KDM5C: variants seen among roughly 807,000 people sequenced by gnomAD.
The protein encoded by KDM5C is lysine-specific demethylase 5C.
A neutral mutation model predicts 110.6 loss-of-function variants in KDM5C; 16 were observed. The ratio of observed to expected loss-of-function variants is 0.14; its 90% confidence interval spans 0.10 to 0.22. The LOEUF is 0.22. Ranked by LOEUF, KDM5C falls within the 10% of genes least tolerant of loss-of-function variation. The pLI is 1.00. For missense variants in KDM5C, 681 were observed against 1,300.9 expected, an observed-to-expected ratio of 0.52 and a Z score of 7.33; for synonymous variants, 511 against 520.4, an observed-to-expected ratio of 0.98 and a Z score of 0.24.
chrX:53,182,659 G>A lies in KDM5C; in HGVS notation c.4309-6037C>T, dbSNP rs1027565891. 9.7e-5 allele frequency among the ~76,000 whole-genome samples: 11 copies of A among 113,241 alleles called. No homozygotes were observed. The South Asian group carries it at 1.1e-3, about 11-fold the overall frequency. ...TGGGATTACAGGCGTGAGCCACTGC[G>A]CCTGGCCTCCTTTGCCCATTTTTAA... On this transcript the variant is annotated intron_variant, in intron 25 of 25. Transcript: ENST00000685641.
chrX:53,197,353 C>T (rs995287645), intron 18 of KDM5C, among the ~76,000 whole-genome samples: 11 of 111,402 alleles, frequency 9.9e-5, no homozygotes, highest in Admixed American at 9.5e-5. Context: ...GTTCTCAGGG[C>T]ACCAAGAGAC....
In KDM5C at chrX:53,201,546, C is replaced by G; in HGVS notation, c.2061+4G>C. 1 of 1,210,620 alleles carries G rather than the reference C, an allele frequency of 8.3e-7. No homozygotes were observed. The highest frequency in any genetic ancestry group is 1.1e-6 in the Non-Finnish European group (1 of 894,674). On this transcript the variant is annotated splice_donor_region_variant and intron_variant, in intron 14 of 25. Coordinates refer to ENST00000375401, the MANE Select transcript of KDM5C (RefSeq NM_004187.5). ...GGGTGCTTGATCTGGGGTACTCTCC[C>G]CACCTTCTCCAGCAGGGCCTTTCGT...
intron 1 of KDM5C, among the ~76,000 whole-genome samples, 162 bp from the exon 2 acceptor site, chrX:53,221,078 TC>T (rs1307782325): frequency 2.9e-4 from 2 of 6,913 alleles, no homozygotes; most frequent in Non-Finnish European, 5.9e-4. Context: ...CACCCCCACC[TC>T]CCCCCAGAAC....
In KDM5C at chrX:53,198,911, A is replaced by C. The variant is rs781950825; in HGVS notation, c.2244-23T>G. The C allele has an allele frequency of 1.2e-5, 14 of 1,210,669 alleles. No homozygotes were observed. The African/African-American group carries it at 1.2e-4, about 11-fold the overall frequency. ...TACCTGGAGGAAGAGGGCAGGCAAG[A>C]GCATGTCTGGCCCAGCTCTCCATCC... is the stretch of plus-strand genomic sequence containing the variant. On this transcript the variant is annotated intron_variant, in intron 15 of 25. Transcript: ENST00000375401.
rs367593098 is a variant in KDM5C at position 53,222,637 on chromosome X, C to A, written c.151-1721G>T. 2.8e-4 allele frequency among the ~76,000 whole-genome samples: 31 copies of A among 111,906 alleles called. 1 individual carries two copies. In the East Asian group the frequency reaches 5.6e-3, roughly 20 times the overall value. ...CAGATACCTGGGAAGGCCCTGCAAA[C>A]CGCCTGCCTTCATCTCCAGACTACT... On this transcript the variant is annotated intron_variant, in intron 1 of 25. Transcript: ENST00000375401.
chrX:53,220,010 G>A (rs184634502), intron 2 of KDM5C, among the ~76,000 whole-genome samples: 5 of 112,354 alleles, frequency 4.5e-5, no homozygotes, highest in East Asian at 2.8e-4. Flanking sequence ...TAATAGTGCC[G>A]AGGCTGAGGA....
intron 25 of KDM5C, among the ~76,000 whole-genome samples, chrX:53,181,319 ATGGGAC>A (rs1934041230): frequency 9.1e-6 from 1 of 110,377 alleles, no homozygotes; most frequent in Non-Finnish European, 1.9e-5. Flanking sequence ...TTAGGGAACA[ATGGGAC>A]CTTGAGACTA....
At chrX:53,197,925 C>T in intron 17 of KDM5C, 49 bp from the exon 18 acceptor site, 1 of 921,919 alleles carries the variant, frequency 1.1e-6, no homozygotes, top group Non-Finnish European at 1.5e-6. Context: ...AGTGCCTTCC[C>T]TCCATGTCTA....
At position 53,204,023 on chromosome X, in the gene KDM5C, G is replaced by A. The variant is rs782436337; in HGVS notation, c.1747-2050C>T. Among the ~76,000 whole-genome samples, 10 of 111,393 alleles carry A rather than the reference G, an allele frequency of 9.0e-5. No homozygotes were observed. In the South Asian group the frequency reaches 1.9e-3, roughly 21 times the overall value. On this transcript the variant is annotated intron_variant, in intron 12 of 25. Transcript: ENST00000375401. ...ACCCACCTTGGCTGGGATTACAGGC[G>A]TGAGCCACTGCACCGCACTGGCCTC...
chrX:53,212,048 C>A, intron 8 of KDM5C, 142 bp from the exon 9 acceptor site: 1 of 703,929 alleles, frequency 1.4e-6, no homozygotes. Flanking sequence ...CCTTACTTTA[C>A]AGCTGTACCT....
At chrX:53,197,655 A>G in intron 18 of KDM5C, 116 bp downstream of exon 18, 1 of 588,875 alleles carries the variant, frequency 1.7e-6, no homozygotes, top group Non-Finnish European at 2.8e-6. Context: ...TTCTTTTCTC[A>G]CACGTGTGTC....
In KDM5C at chrX:53,198,479, C is replaced by T. The variant is rs1556839343; in HGVS notation, c.2516+11G>A. 5 of 1,198,333 alleles carry T rather than the reference C, an allele frequency of 4.2e-6. No homozygotes were observed. Among genetic ancestry groups the T allele is most frequent in the South Asian group, 1.8e-5 (1 of 55,091 alleles). Reference sequence around the variant, plus strand: ...ACCTTATGTGTGCCCTAACTCCTCACGCTGTCATACCCAGCTTCCTGGCCG... The same window carrying T: ...ACCTTATGTGTGCCCTAACTCCTCATGCTGTCATACCCAGCTTCCTGGCCG... On this transcript the variant is annotated intron_variant, in intron 17 of 25. Transcript: ENST00000375401.
intron 22 of KDM5C, 46 bp downstream of exon 22, chrX:53,194,885 C>CT: frequency 8.3e-7 from 1 of 1,207,013 alleles, no homozygotes; most frequent in East Asian, 3.0e-5. Context: ...CTCAGACACT[C>CT]TATCATCACC....
At chrX:53,217,386 G>A in intron 4 of KDM5C, 109 bp from the exon 5 acceptor site, 2 of 930,156 alleles carry the variant, frequency 2.2e-6, no homozygotes, top group Non-Finnish European at 1.5e-6. Context: ...CCACTCACCT[G>A]ACCCACACCA....
At chrX:53,176,379 G>A (rs1933883921) in exon 26 of KDM5C, among the ~76,000 whole-genome samples, 1 of 112,095 alleles carries the variant, frequency 8.9e-6, no homozygotes, top group African/African-American at 3.2e-5. Flanking sequence ...GGTTTATATA[G>A]TAGGGAAGGA....
chrX:53,207,438 A>G (rs1409918575), intron 12 of KDM5C, among the ~76,000 whole-genome samples: 2 of 111,687 alleles, frequency 1.8e-5, no homozygotes, highest in Non-Finnish European at 3.8e-5. Context: ...CTCAACAGCC[A>G]CATGTAGCTA....
At chrX:53,182,010 G>C (rs1012058909) in intron 25 of KDM5C, among the ~76,000 whole-genome samples, 3 of 110,706 alleles carry the variant, frequency 2.7e-5, no homozygotes, top group Non-Finnish European at 5.7e-5. Flanking sequence ...GGATGGTCTC[G>C]ATCCCCTGAC....
intron 25 of KDM5C, among the ~76,000 whole-genome samples, chrX:53,177,296 A>ACT (rs1933909820): frequency 8.9e-6 from 1 of 112,123 alleles, no homozygotes; most frequent in Non-Finnish European, 1.9e-5. Flanking sequence ...CTGGAGGATC[A>ACT]CTGGAGCCCA....
intron 5 of KDM5C, among the ~76,000 whole-genome samples, chrX:53,216,656 G>A (rs782481987): frequency 9.0e-6 from 1 of 111,593 alleles, no homozygotes; most frequent in Admixed American, 9.5e-5. Flanking sequence ...ATAGCTACAA[G>A]GAGCTGGGAA....
Sources: gnomAD v4.1 joint callset for allele counts (sites outside exome capture counted in the v4.1 genomes callset) on GRCh38, gnomAD v4.1.1 for gene constraint, MANE v1.5 for transcripts, NCBI Gene and HGNC (gene_info 2026-07-23, HGNC 2026-07-21) for gene names.